The following VPS37D variants were observed in gnomAD, a reference collection of about 807,000 sequenced individuals.
VPS37D encodes vacuolar protein sorting-associated protein 37D.
A neutral mutation model predicts 22.0 loss-of-function variants in VPS37D; 5 were observed. The observed-to-expected ratio is 0.23, with a 90% CI of 0.12 to 0.48. The LOEUF is 0.48. Ranked by LOEUF, VPS37D falls within the 20% of genes least tolerant of loss-of-function variation. VPS37D has a pLI of 0.99. For missense variants in VPS37D, 384 were observed against 345.8 expected, an observed-to-expected ratio of 1.11 and a Z score of -0.88; for synonymous variants, 174 against 159.3, an observed-to-expected ratio of 1.09 and a Z score of -0.69.
chr7:73,665,589 C>A (rs1797357788), upstream of VPS37D, among the ~76,000 whole-genome samples: 1 of 152,188 alleles, frequency 6.6e-6, no homozygotes, highest in African/African-American at 2.4e-5. Flanking sequence ...GGTCTGTCAA[C>A]AAGGCTGTCC....
upstream of VPS37D, among the ~76,000 whole-genome samples, chr7:73,665,684 C>T (rs1467779895): frequency 6.6e-6 from 1 of 152,208 alleles, no homozygotes; most frequent in Non-Finnish European, 1.5e-5. Context: ...TCTTCCCGCC[C>T]CTATGCCTTG....
At chr7:73,668,684 G>A (rs1797436550) in intron 1 of VPS37D, among the ~76,000 whole-genome samples, 2 of 152,134 alleles carry the variant, frequency 1.3e-5, no homozygotes, top group South Asian at 2.1e-4. Context: ...CAGGCGAGGA[G>A]GGGCTTGTGC....
chr7:73,667,844 C>A lies in VPS37D; in HGVS notation c.-115C>A, dbSNP rs184436612. The A allele has an allele frequency of 6.9e-3, 1,781 of 257,712 alleles. 34 individuals are homozygous for A. The highest frequency in any genetic ancestry group is 0.04 in the African/African-American group (1,716 of 42,846). The allele number at this position is 257,712 out of a possible 1,614,324, so 16.0% of individuals were successfully genotyped here. On this transcript the variant is annotated 5_prime_UTR_variant, in exon 1 of 4. Transcript: ENST00000324941. ...CCCCCTGGCGGCGGAGCGGTGCGTGCGGCCGGAGCCGGAGCGGATCCTGGA... is the reference window on the plus strand; with the variant it reads ...CCCCCTGGCGGCGGAGCGGTGCGTGAGGCCGGAGCCGGAGCGGATCCTGGA...
intron 3 of VPS37D, among the ~76,000 whole-genome samples, chr7:73,670,624 A>G (rs1214917062): frequency 3.9e-5 from 6 of 152,108 alleles, no homozygotes; most frequent in Non-Finnish European, 8.8e-5. Flanking sequence ...CCTGACCAAC[A>G]TGGTGAAACC....
intron 2 of VPS37D, 34 bp from the exon 3 acceptor site, chr7:73,669,986 C>G (rs185557423): frequency 1.9e-6 from 3 of 1,551,466 alleles, no homozygotes; most frequent in Non-Finnish European, 2.6e-6. Context: ...GGGGCCCTGG[C>G]CTGTCTGTCA....
Position 73,669,560 on chromosome 7 carries a change from G to A in VPS37D, c.280G>A (p.Glu94Lys), listed in dbSNP as rs782436225. Residue 94 changes from glutamate to lysine, a missense_variant, in exon 2 of 4, where the codon GAG becomes AAG. Glu to Lys is a moderately conservative substitution (Grantham distance 56, BLOSUM62 1). Transcript: ENST00000324941. ...ATACCAGGAGCTTCGTGAGGTGGCCGAGAACTGCGCGGACAAGCTGCAGCG... is the reference window on the plus strand; with the variant it reads ...ATACCAGGAGCTTCGTGAGGTGGCCAAGAACTGCGCGGACAAGCTGCAGCG... ...IKYQELREVA[E>K]NCADKLQRLE... The A allele has an allele frequency of 1.9e-5, 31 of 1,592,640 alleles. No homozygotes were observed. In the South Asian group the frequency reaches 2.9e-4, roughly 15 times the overall value.
In VPS37D at chr7:73,668,064, A is replaced by C; in HGVS notation, c.106A>C (p.Lys36Gln). Residue 36 changes from lysine (K) to glutamine (Q), a missense_variant, in exon 1 of 4, where the codon AAG becomes CAG. Lys to Gln is a moderately conservative substitution (Grantham distance 53, BLOSUM62 1). Coordinates refer to ENST00000324941, the MANE Select transcript of VPS37D (RefSeq NM_001077621.2). The stretch of plus-strand genomic sequence containing the variant: ...CCGGGACCTGCTTCAGGATGAGCCC[A>C]AGCTGGACCGGATCGTGCGGCTCAG... Reference protein sequence around the residue: ...QLRDLLQDEPKLDRIVRLSRK... With the variant: ...QLRDLLQDEPQLDRIVRLSRK... 1 of 1,150,126 alleles carries C rather than the reference A, an allele frequency of 8.7e-7. No homozygotes were observed. Among genetic ancestry groups the C allele is most frequent in the African/African-American group, 1.7e-5 (1 of 59,798 alleles). 71.2% of individuals were successfully genotyped at this position (1,150,126 alleles called of 1,614,324 possible).
At chr7:73,670,443 A>G (rs1328796507) in intron 3 of VPS37D, among the ~76,000 whole-genome samples, 1 of 152,136 alleles carries the variant, frequency 6.6e-6, no homozygotes, top group Non-Finnish European at 1.5e-5. Flanking sequence ...TTAAGTCTAT[A>G]CTTCACATAT....
chr7:73,671,280 C>A lies in VPS37D; in HGVS notation c.660C>A (p.Arg220=). Residue 220 remains arginine (R), a synonymous_variant, in exon 4 of 4, where the codon CGC becomes CGA. Transcript: ENST00000324941. The stretch of plus-strand genomic sequence containing the variant: ...GGAGCCTGCCCCCCTTGGACTCCCG[C>A]CCAGTGCCCCCACTGAAGGGCTCCC... ...VPRSLPPLDS[R]PVPPLKGSPG... is the part of the protein sequence containing the mutation. The A allele has an allele frequency of 6.9e-7, 1 of 1,450,592 alleles. No individual in the cohort carries two copies. Among genetic ancestry groups the A allele is most frequent in the Non-Finnish European group, 9.1e-7 (1 of 1,104,928 alleles). The allele number at this position is 1,450,592 out of a possible 1,614,324, so 89.9% of individuals were successfully genotyped here.
rs1436746334 is a variant in VPS37D, at chr7:73,671,351, C to T, written c.731C>T (p.Ser244Leu). ...GPAPLLSPRP[S>L]QPEPPHR ...GCCCCCCTGCTGAGCCCTCGGCCCT[C>T]GCAGCCAGAGCCCCCCCACCGGTAG... Residue 244 changes from serine (S) to leucine (L), a missense_variant, in exon 4 of 4, where the codon TCG becomes TTG. By Grantham distance (145) the Ser-to-Leu change is moderately radical. Coordinates refer to ENST00000324941, the MANE Select transcript of VPS37D (RefSeq NM_001077621.2). 9 of 1,376,408 alleles carry T rather than the reference C, an allele frequency of 6.5e-6. No individual in the cohort carries two copies. The highest frequency in any genetic ancestry group is 5.6e-6 in the Non-Finnish European group (6 of 1,067,480). 85.3% of individuals were successfully genotyped at this position (1,376,408 alleles called of 1,614,324 possible). A position where few individuals can be genotyped will look rare whatever the true frequency, so the allele number is the denominator to read the frequency against.
In VPS37D at chr7:73,671,245, G is replaced by A. The variant is rs782257232; in HGVS notation, c.625G>A (p.Ala209Thr). The A allele has an allele frequency of 1.3e-6, 2 of 1,535,138 alleles. No individual in the cohort carries two copies. Among genetic ancestry groups the A allele is most frequent in the African/African-American group, 2.7e-5 (2 of 72,764 alleles). The stretch of plus-strand genomic sequence containing the variant: ...CACTGGGGCCGCCCGGGGGCCACCA[G>A]CAGTGCCCCGGAGCCTGCCCCCCTT... ...LPTGAARGPP[A>T]VPRSLPPLDS... is the part of the protein sequence containing the mutation. Residue 209 changes from alanine (A) to threonine (T), a missense_variant, in exon 4 of 4, where the codon GCA becomes ACA. Physicochemically the swap from Ala to Thr is moderately conservative, Grantham distance 58. Transcript: ENST00000324941.
chr7:73,671,619 T>G lies in VPS37D; in HGVS notation c.*243T>G. The G allele has an allele frequency of 3.4e-5, 7 of 206,392 alleles. No individual in the cohort carries two copies. The highest frequency in any genetic ancestry group is 1.1e-4 in the East Asian group (1 of 8,906). The allele number at this position is 206,392 out of a possible 1,614,324, so 12.8% of individuals were successfully genotyped here. On this transcript the variant is annotated 3_prime_UTR_variant, in exon 4 of 4. Transcript: ENST00000324941. The stretch of plus-strand genomic sequence containing the variant: ...AGACACCCTGCCTTTTTTGTTTCCG[T>G]GCCCCGGGGCCTCTAGGGTGATGGA...
At chr7:73,670,767 G>A (rs1410626364) in intron 3 of VPS37D, among the ~76,000 whole-genome samples, 2 of 151,068 alleles carry the variant, frequency 1.3e-5, no homozygotes, top group Admixed American at 6.6e-5. Context: ...CCGAGATTGC[G>A]CCACTGCACT....
rs1401502837 is a variant in VPS37D at position 73,671,403 on chromosome 7, G to A, written c.*27G>A. On this transcript the variant is annotated 3_prime_UTR_variant, in exon 4 of 4. Transcript: ENST00000324941. ...ATCCACGGTGCGGCCCCCCAGTTGG[G>A]GGGCCTAGACAAACTTGATGCGTGG... The A allele has an allele frequency of 2.2e-6, 3 of 1,342,672 alleles. No homozygotes were observed. In the African/African-American group the frequency reaches 4.7e-5, roughly 21 times the overall value. 83.2% of individuals were successfully genotyped at this position (1,342,672 alleles called of 1,614,324 possible).
Position 73,671,939 on chromosome 7 carries a change from G to C in VPS37D, c.*563G>C, listed in dbSNP as rs955703959. On this transcript the variant is annotated 3_prime_UTR_variant, in exon 4 of 4. Coordinates refer to ENST00000324941, the MANE Select transcript of VPS37D (RefSeq NM_001077621.2). ...GACCCTGGGGCAAGGTAGGCCAGGG[G>C]CTTCTGACCTGTGCAGGTGAGAGTG... The C allele has an allele frequency of 3.3e-5, 5 of 152,368 alleles. No homozygotes were observed. Among genetic ancestry groups the C allele is most frequent in the African/African-American group, 1.2e-4 (5 of 41,474 alleles). 9.4% of individuals were successfully genotyped at this position (152,368 alleles called of 1,614,324 possible).
chr7:73,667,436 G>A (rs1199634463), upstream of VPS37D, among the ~76,000 whole-genome samples: 1 of 152,128 alleles, frequency 6.6e-6, no homozygotes, highest in Non-Finnish European at 1.5e-5. Context: ...CGGCCAGCAA[G>A]TCAGCGCTCA....
chr7:73,668,216 C>T (rs1309416964), intron 1 of VPS37D, 120 bp downstream of exon 1: 1 of 567,610 alleles, frequency 1.8e-6, no homozygotes, highest in African/African-American at 2.0e-5. Context: ...CGGAGCCTGG[C>T]ACGTACGAGT....
rs879987947 is a variant in VPS37D, at chr7:73,667,871, C to CCGGAGCGGAGCGGAG, written c.-76_-62dup. ...GCCGGAGCCGGAGCGGATCCTGGAG[C>CCGGAGCGGAGCGGAG]CGGAGCGGAGCGGAGCGGAGCGGAG... On this transcript the variant is annotated 5_prime_UTR_variant, in exon 1 of 4. Transcript: ENST00000324941. 4.6e-4 allele frequency: 173 copies of CCGGAGCGGAGCGGAG among 372,882 alleles called. No homozygotes were observed. The highest frequency in any genetic ancestry group is 1.5e-3 in the South Asian group (15 of 9,806). The allele number at this position is 372,882 out of a possible 1,614,324, so 23.1% of individuals were successfully genotyped here. A position where few individuals can be genotyped will look rare whatever the true frequency, so the allele number is the denominator to read the frequency against.
Position 73,667,904 on chromosome 7 carries a change from G to C in VPS37D, c.-55G>C, listed in dbSNP as rs1405200368. 9.0e-6 allele frequency: 6 copies of C among 670,226 alleles called. No individual in the cohort carries two copies. The highest frequency in any genetic ancestry group is 1.1e-5 in the Non-Finnish European group (6 of 537,392). The allele number at this position is 670,226 out of a possible 1,614,324, so 41.5% of individuals were successfully genotyped here. A position where few individuals can be genotyped will look rare whatever the true frequency, so the allele number is the denominator to read the frequency against. Reference sequence around the variant, plus strand: ...GAGCGGAGCGGAGCGGAGCCGGGGCGGAGCGGGCCGAGCGGGCCGAGCCAG... The same window carrying C: ...GAGCGGAGCGGAGCGGAGCCGGGGCCGAGCGGGCCGAGCGGGCCGAGCCAG... On this transcript the variant is annotated 5_prime_UTR_variant, in exon 1 of 4. Transcript: ENST00000324941.
Sources: gnomAD v4.1 joint callset for allele counts (sites outside exome capture counted in the v4.1 genomes callset) on GRCh38, gnomAD v4.1.1 for gene constraint, MANE v1.5 for transcripts, NCBI Gene and HGNC (gene_info 2026-07-23, HGNC 2026-07-21) for gene names.